TANC2: variants seen among roughly 807,000 people sequenced by gnomAD.
TANC2 encodes protein TANC2.
TANC2 carries 26 observed loss-of-function variants against 210.5 expected under a neutral mutation model. That is an observed-to-expected ratio of 0.12 (90% CI 0.09 to 0.17). The LOEUF is 0.17. Among genes scored for constraint, TANC2 ranks in the 10% least tolerant of loss-of-function variants. The pLI is 1.00. For missense variants in TANC2, 2,129 were observed against 2,608.9 expected (o/e 0.82, Z 4.01); for synonymous variants, 931 against 967.1 (o/e 0.96, Z 0.69).
rs549555122 is a variant in TANC2, at chr17:63,022,123, G to A, written c.67+12497G>A. Among the ~76,000 whole-genome samples the A allele has an allele frequency of 7.2e-5, 11 of 152,076 alleles. No homozygotes were observed. The East Asian group carries it at 2.1e-3, about 29-fold the overall frequency. ...TGGGAGTCTGAGGCAGGCAGATCACGAGGTCAGGAGTTCAAGATCAGCCTG... is the reference window on the plus strand; with the variant it reads ...TGGGAGTCTGAGGCAGGCAGATCACAAGGTCAGGAGTTCAAGATCAGCCTG... On this transcript the variant is annotated intron_variant, in intron 2 of 27. Transcript: ENST00000689528.
intron 5 of TANC2, among the ~76,000 whole-genome samples, chr17:63,187,227 C>A (rs938506740): frequency 6.6e-6 from 1 of 152,148 alleles, no homozygotes; most frequent in Non-Finnish European, 1.5e-5. Flanking sequence ...AGTAAAGAGC[C>A]TGAGGTCTAG....
rs573085150 is a variant in TANC2, at chr17:63,173,154, T to C, written c.434-20837T>C. ...TAAAACAAAGAGAATTTCAGGAAAA[T>C]ATCTGTTAGCAAAATATAACACATT... On this transcript the variant is annotated intron_variant, in intron 5 of 27. Coordinates refer to ENST00000689528, the Ensembl canonical transcript of TANC2. Among the ~76,000 whole-genome samples the C allele has an allele frequency of 5.9e-5, 9 of 152,224 alleles. No homozygotes were observed. The East Asian group carries it at 1.7e-3, about 29-fold the overall frequency.
intron 2 of TANC2, among the ~76,000 whole-genome samples, chr17:63,016,834 T>A (rs747744946): frequency 4.6e-5 from 7 of 152,204 alleles, no homozygotes; most frequent in South Asian, 2.1e-4. Flanking sequence ...TCATTAATGA[T>A]CGTTTTATGT....
intron 9 of TANC2, among the ~76,000 whole-genome samples, chr17:63,313,765 C>T (rs1333681957): frequency 3.9e-5 from 6 of 152,100 alleles, no homozygotes; most frequent in Non-Finnish European, 8.8e-5. Context: ...AAAATACTAG[C>T]ATGAACTTAA....
intron 5 of TANC2, among the ~76,000 whole-genome samples, chr17:63,170,076 G>A (rs1285291872): frequency 1.3e-5 from 2 of 150,456 alleles, no homozygotes; most frequent in African/African-American, 4.9e-5. Flanking sequence ...CGGAGATCGC[G>A]CCACTGCACT....
chr17:63,272,419 A>G (rs895865037), intron 9 of TANC2, among the ~76,000 whole-genome samples: 10 of 152,090 alleles, frequency 6.6e-5, no homozygotes, highest in African/African-American at 2.4e-4. Context: ...TTTGCTTAGG[A>G]TTACCTTGGC....
At chr17:62,969,736 C>A (rs1254643878) in intron 1 of TANC2, among the ~76,000 whole-genome samples, 1 of 152,066 alleles carries the variant, frequency 6.6e-6, no homozygotes, top group African/African-American at 2.4e-5. Flanking sequence ...TTCATACACA[C>A]ACACACAGCC....
chr17:63,014,867 T>A (rs1390767867), intron 2 of TANC2, among the ~76,000 whole-genome samples: 5 of 152,186 alleles, frequency 3.3e-5, no homozygotes, highest in African/African-American at 1.2e-4. Flanking sequence ...CAATTTAGAA[T>A]TATTATAAAA....
intron 8 of TANC2, among the ~76,000 whole-genome samples, chr17:63,244,790 G>A (rs2042871288): frequency 6.6e-6 from 1 of 152,198 alleles, no homozygotes; most frequent in Non-Finnish European, 1.5e-5. Flanking sequence ...CCCAAGTGTT[G>A]TGGGAGGGAC....
chr17:63,151,133 C>G (rs1299299233), intron 4 of TANC2, 137 bp from the exon 5 acceptor site: 1 of 183,924 alleles, frequency 5.4e-6, no homozygotes, highest in African/African-American at 2.4e-5. Flanking sequence ...GCCTGCTGTT[C>G]CCCTTACTCA....
rs2046191902 is a variant in TANC2 at position 63,340,466 on chromosome 17, C to G, written c.1807+134C>G. 59 of 693,920 alleles carry G rather than the reference C, an allele frequency of 8.5e-5. 1 individual carries two copies. In the South Asian group the frequency reaches 1.2e-3, roughly 14 times the overall value. 43.0% of individuals were successfully genotyped at this position (693,920 alleles called of 1,614,324 possible). On this transcript the variant is annotated intron_variant, in intron 12 of 27. Transcript: ENST00000689528. ...CCATAGCTGGATATCCTGTAGGATA[C>G]AGTTAACAGACAAGAGATTTTACTT...
intron 1 of TANC2, among the ~76,000 whole-genome samples, chr17:63,002,263 TGG>T (rs1265432827): frequency 3.3e-5 from 5 of 152,206 alleles, no homozygotes; most frequent in African/African-American, 7.2e-5. Flanking sequence ...CTGGGCAAGA[TGG>T]TGCCAGTTAG....
chr17:63,236,996 T>G (rs2042638575), intron 7 of TANC2, among the ~76,000 whole-genome samples: 1 of 152,206 alleles, frequency 6.6e-6, no homozygotes, highest in African/African-American at 2.4e-5. Context: ...TCTTTTCCTT[T>G]GGGTAGTTAC....
At chr17:63,192,561 A>T (rs2041220649) in intron 5 of TANC2, among the ~76,000 whole-genome samples, 1 of 152,216 alleles carries the variant, frequency 6.6e-6, no homozygotes, top group Non-Finnish European at 1.5e-5. Context: ...AGTGAGGAAG[A>T]CACTGTGTTG....
intron 21 of TANC2, among the ~76,000 whole-genome samples, chr17:63,408,768 A>G (rs144112156): frequency 3.4e-4 from 52 of 152,366 alleles, no homozygotes; most frequent in Middle Eastern, 3.4e-3. Context: ...CTGCTGTGGC[A>G]GGTGCTAAGC....
At chr17:63,108,804 T>A (rs1051195114) in intron 4 of TANC2, among the ~76,000 whole-genome samples, 1 of 150,884 alleles carries the variant, frequency 6.6e-6, no homozygotes, top group African/African-American at 2.5e-5. Context: ...CAAGACTCCA[T>A]CTCAAAAAAA....
At chr17:63,389,636 G>A in intron 17 of TANC2, 92 bp downstream of exon 17, 1 of 1,249,368 alleles carries the variant, frequency 8.0e-7, no homozygotes, top group African/African-American at 1.5e-5. Context: ...TCATGAGTCT[G>A]GGTAGAGTAT....
chr17:63,297,357 A>G (rs1032664179), intron 9 of TANC2, among the ~76,000 whole-genome samples: 1 of 151,290 alleles, frequency 6.6e-6, no homozygotes, highest in East Asian at 1.9e-4. Context: ...ATACTGGCAT[A>G]GGAATACACA....
At chr17:63,208,695 A>G (rs2041796000) in intron 7 of TANC2, among the ~76,000 whole-genome samples, 2 of 152,164 alleles carry the variant, frequency 1.3e-5, no homozygotes, top group Admixed American at 6.5e-5. Context: ...GTATCTTTCA[A>G]TAAAATGTTC....
Sources: allele counts gnomAD v4.1 joint callset (sites outside exome capture counted in the v4.1 genomes callset), GRCh38; gene constraint gnomAD v4.1.1; transcripts MANE v1.5; gene names NCBI Gene and HGNC (gene_info 2026-07-23, HGNC 2026-07-21).